SAMD3: variants seen among roughly 807,000 people sequenced by gnomAD.
SAMD3 encodes sterile alpha motif domain containing 3.
SAMD3 carries 63 observed loss-of-function variants against 58.5 expected under a neutral mutation model. The ratio of observed to expected loss-of-function variants is 1.08; its 90% CI spans 0.88 to 1.33. The LOEUF is 1.33. Ranked by LOEUF, SAMD3 falls within the 40% of genes most tolerant of loss-of-function variation. The probability of loss-of-function intolerance (pLI) is 0.00; values close to 1 mark genes in which losing one functional copy is unlikely to be tolerated. For synonymous variants in SAMD3, 220 were observed against 210.3 expected, an observed-to-expected ratio of 1.05 and a Z score of -0.40; for missense variants, 604 against 608.4, an observed-to-expected ratio of 0.99 and a Z score of 0.08.
intron 8 of SAMD3, among the ~76,000 whole-genome samples, chr6:130,158,934 T>G (rs1282413235): frequency 6.6e-6 from 1 of 152,166 alleles, no homozygotes; most frequent in Non-Finnish European, 1.5e-5. Flanking sequence ...TGCAAATGTC[T>G]GATTGGTTGT....
chr6:130,359,019 C>T lies in SAMD3; in HGVS notation c.-304+6101G>A, dbSNP rs555900716. On this transcript the variant is annotated intron_variant, in intron 1 of 13. Transcript: ENST00000368134. ...GCATCAGACTGCGTGGGCTCATGAG[C>T]CCAGTTCCTCCACTTACTTACTTGG... Among the ~76,000 whole-genome samples, 3 of 152,240 alleles carry T rather than the reference C, an allele frequency of 2.0e-5. No homozygotes were observed. In the South Asian group the frequency reaches 6.2e-4, roughly 32 times the overall value.
At chr6:130,150,726 TTTTGAGACAGAATC>T (rs1789083179) in intron 9 of SAMD3, among the ~76,000 whole-genome samples, 1 of 151,706 alleles carries the variant, frequency 6.6e-6, no homozygotes, top group South Asian at 2.1e-4. Context: ...TTTTTTTTTT[TTTTGAGACAGAATC>T]TCACTCCATC....
At chr6:130,204,190 T>G (rs1794872208) in intron 5 of SAMD3, among the ~76,000 whole-genome samples, 1 of 152,166 alleles carries the variant, frequency 6.6e-6, no homozygotes, top group African/African-American at 2.4e-5. Flanking sequence ...TAAAGTAACA[T>G]TTAGGAAGCC....
upstream of SAMD3, chr6:130,365,837 T>G: frequency 1.0e-6 from 1 of 985,572 alleles, no homozygotes; most frequent in Non-Finnish European, 1.2e-6. Flanking sequence ...AGATCCTGTC[T>G]GCGTCCTCCA....
intron 7 of SAMD3, among the ~76,000 whole-genome samples, chr6:130,178,593 G>A (rs1440267610): frequency 6.6e-6 from 1 of 152,196 alleles, no homozygotes; most frequent in Admixed American, 6.5e-5. Context: ...AAGTCCCAAT[G>A]AGAGTAATCC....
In SAMD3 at chr6:130,247,456, G is replaced by A. The variant is rs1264477150; in HGVS notation, c.-187-24643C>T. 3.4e-5 allele frequency among the ~76,000 whole-genome samples: 5 copies of A among 146,030 alleles called. No homozygotes were observed. In the South Asian group the frequency reaches 1.1e-3, roughly 31 times the overall value. On this transcript the variant is annotated intron_variant, in intron 2 of 13. Coordinates refer to the SAMD3 transcript ENST00000368134. ...CACTGCAGCCTGGAGGACAGAGTGA[G>A]ACTCCATCTCAAAAAAAAAAAAAAA...
chr6:130,223,875 G>T (rs1796307262), upstream of SAMD3, among the ~76,000 whole-genome samples: 2 of 152,204 alleles, frequency 1.3e-5, no homozygotes, highest in African/African-American at 2.4e-5. Context: ...TCCGCAGGTG[G>T]CTTGTGTTAA....
intron 9 of SAMD3, among the ~76,000 whole-genome samples, chr6:130,148,234 T>G (rs1788816865): frequency 6.6e-6 from 1 of 152,248 alleles, no homozygotes; most frequent in Non-Finnish European, 1.5e-5. Flanking sequence ...AGATAGTTTC[T>G]TTTCTTCCAC....
At chr6:130,251,279 G>T (rs528729145) in intron 2 of SAMD3, among the ~76,000 whole-genome samples, 1 of 152,170 alleles carries the variant, frequency 6.6e-6, no homozygotes, top group Admixed American at 6.5e-5. Flanking sequence ...TTGGTTATTT[G>T]TCTTACACTC....
intron 1 of SAMD3, among the ~76,000 whole-genome samples, chr6:130,357,118 CTTTTTT>C (rs1169066063): frequency 1.1e-5 from 1 of 91,712 alleles, no homozygotes; most frequent in Admixed American, 1.5e-4. Flanking sequence ...GCCATGGCAT[CTTTTTT>C]TTTTTTTTTT....
In SAMD3 at chr6:130,175,738, G is replaced by C. The variant is rs13196169; in HGVS notation, c.822+103C>G. ...TAACTACACTTCAAATTTTAAAAAG[G>C]TATCTTATTTTGTTTTAATTATTTT... On this transcript the variant is annotated intron_variant, in intron 8 of 11. Transcript: ENST00000439090. 6 of 750,578 alleles carry C rather than the reference G, an allele frequency of 8.0e-6. No individual in the cohort carries two copies. The Admixed American group carries it at 1.7e-4, about 21-fold the overall frequency. 46.5% of individuals were successfully genotyped at this position (750,578 alleles called of 1,614,324 possible).
chr6:130,291,415 C>T (rs1485842144), intron 2 of SAMD3, among the ~76,000 whole-genome samples: 2 of 152,128 alleles, frequency 1.3e-5, no homozygotes, highest in Non-Finnish European at 2.9e-5. Context: ...GATAATTGAC[C>T]TTTTGAAGAT....
intron 5 of SAMD3, among the ~76,000 whole-genome samples, chr6:130,189,103 C>A (rs201041927): frequency 5.1e-4 from 71 of 138,458 alleles, no homozygotes; most frequent in Admixed American, 7.2e-4. Flanking sequence ...TTAAAAAAAC[C>A]AAAAAAAAAA....
At chr6:130,351,777 G>A (rs189225116) in intron 1 of SAMD3, among the ~76,000 whole-genome samples, 109 of 152,134 alleles carry the variant, frequency 7.2e-4, no homozygotes, top group African/African-American at 2.3e-3. Flanking sequence ...TGTTTATTGC[G>A]GCACTATTCA....
intron 3 of SAMD3, 70 bp from the exon 4 acceptor site, chr6:130,214,596 A>C: frequency 9.3e-7 from 1 of 1,080,066 alleles, no homozygotes. Flanking sequence ...GAAGAGGCAA[A>C]ATTACCTCTA....
At chr6:130,216,877 C>T (rs1796030896) in intron 1 of SAMD3, among the ~76,000 whole-genome samples, 1 of 152,034 alleles carries the variant, frequency 6.6e-6, no homozygotes, top group African/African-American at 2.4e-5. Context: ...CTTCTGGCTT[C>T]CTTGCGAAGA....
At chr6:130,216,871 T>C (rs912083862) in intron 1 of SAMD3, among the ~76,000 whole-genome samples, 11 of 152,188 alleles carry the variant, frequency 7.2e-5, no homozygotes, top group Non-Finnish European at 4.4e-5. Flanking sequence ...ATCACACTTC[T>C]GGCTTCCTTG....
intron 5 of SAMD3, among the ~76,000 whole-genome samples, chr6:130,201,113 A>G (rs780929706): frequency 4.6e-5 from 7 of 152,180 alleles, no homozygotes; most frequent in Non-Finnish European, 8.8e-5. Flanking sequence ...CCACCGTCTT[A>G]GCTTAGACCT....
chr6:130,341,362 T>C (rs929014481), intron 1 of SAMD3, among the ~76,000 whole-genome samples: 1 of 152,232 alleles, frequency 6.6e-6, no homozygotes, highest in African/African-American at 2.4e-5. Flanking sequence ...TTGTTTTTAA[T>C]TCAGGTTTTA....
Sources: gnomAD v4.1 joint callset for allele counts (sites outside exome capture counted in the v4.1 genomes callset) on GRCh38, gnomAD v4.1.1 for gene constraint, MANE v1.5 for transcripts, NCBI Gene and HGNC (gene_info 2026-07-23, HGNC 2026-07-21) for gene names.